Variants in RABEP1 observed in about 807,000 individuals in gnomAD.
The protein encoded by RABEP1 is rabaptin, RAB GTPase binding effector protein 1.
In RABEP1, 51 loss-of-function variants were observed where a neutral mutation model predicts 123.4. That is an observed-to-expected ratio of 0.41 (90% CI 0.33 to 0.52). RABEP1 has a LOEUF of 0.52. Ranked by LOEUF, RABEP1 falls within the 20% of genes least tolerant of loss-of-function variation. RABEP1 has a pLI of 0.16. For synonymous variants in RABEP1, 347 were observed against 355.2 expected (o/e 0.98, Z 0.26); for missense variants, 888 against 996.3 (o/e 0.89, Z 1.46).
intron 5 of RABEP1, among the ~76,000 whole-genome samples, chr17:5,342,977 T>G (rs1400184258): frequency 2.6e-5 from 4 of 152,142 alleles, no homozygotes; most frequent in Non-Finnish European, 1.5e-5. Context: ...ATACCCTTTT[T>G]GGCTGAGTGT....
chr17:5,297,854 TATA>T (rs1269199973), intron 1 of RABEP1, among the ~76,000 whole-genome samples: 2 of 152,200 alleles, frequency 1.3e-5, no homozygotes, highest in African/African-American at 4.8e-5. Context: ...TGGCTTCTCA[TATA>T]ATAGTTGATA....
chr17:5,300,640 C>T (rs2075128108), intron 1 of RABEP1, among the ~76,000 whole-genome samples: 1 of 152,110 alleles, frequency 6.6e-6, no homozygotes, highest in African/African-American at 2.4e-5. Context: ...CAAGTGTTTC[C>T]TACCCTCTAA....
chr17:5,303,755 A>G (rs192716252), intron 1 of RABEP1, among the ~76,000 whole-genome samples: 1 of 152,300 alleles, frequency 6.6e-6, no homozygotes, highest in African/African-American at 2.4e-5. Context: ...TAAAGATGCC[A>G]GGTGTGGTGG....
chr17:5,354,584 G>A (rs904910942), intron 8 of RABEP1, 94 bp downstream of exon 8: 2 of 1,190,660 alleles, frequency 1.7e-6, no homozygotes, highest in African/African-American at 1.6e-5. Flanking sequence ...CATATGAGAA[G>A]TGAGAAGTGC....
In RABEP1 at chr17:5,308,817, AAG is replaced by A; in HGVS notation, c.161_162del (p.Glu54GlyfsTer16). On this transcript the variant is annotated frameshift_variant, in exon 2 of 18. Transcript: ENST00000537505. LOFTEE classifies it high-confidence loss of function. Reference sequence around the variant, plus strand: ...AAATTTAAGGAGTTATATTTGGCTAAAGAGGGTAAGTTCATAAGTCTCGCACC... The same window carrying A: ...AAATTTAAGGAGTTATATTTGGCTAAAGGGTAAGTTCATAAGTCTCGCACC... The A allele has an allele frequency of 6.2e-7, 1 of 1,608,254 alleles. No individual in the cohort carries two copies. The highest frequency in any genetic ancestry group is 8.5e-7 in the Non-Finnish European group (1 of 1,176,532).
At chr17:5,293,512 C>T (rs1200315595) in intron 1 of RABEP1, among the ~76,000 whole-genome samples, 4 of 151,996 alleles carry the variant, frequency 2.6e-5, no homozygotes, top group African/African-American at 9.7e-5. Context: ...CTCAATGTAA[C>T]CTTGACCTCT....
chr17:5,290,540 C>A (rs532378020), intron 1 of RABEP1, among the ~76,000 whole-genome samples: 1 of 152,044 alleles, frequency 6.6e-6, no homozygotes. Context: ...TCATTAACAT[C>A]TTTACAATTA....
At chr17:5,296,597 CG>C (rs2075086098) in intron 1 of RABEP1, among the ~76,000 whole-genome samples, 1 of 151,960 alleles carries the variant, frequency 6.6e-6, no homozygotes, top group Non-Finnish European at 1.5e-5. Flanking sequence ...CTTGGTAAAA[CG>C]GGAAACATTT....
At chr17:5,375,989 C>G (rs1188453719) in intron 13 of RABEP1, among the ~76,000 whole-genome samples, 10 of 152,166 alleles carry the variant, frequency 6.6e-5, no homozygotes. Flanking sequence ...TCTCCTGCCT[C>G]TGCCTCCTGA....
chr17:5,302,244 A>ATTTTTTTTTTTT (rs57770310), intron 1 of RABEP1, among the ~76,000 whole-genome samples: 1,607 of 118,284 alleles, frequency 0.014, 153 homozygotes, highest in African/African-American at 0.043. Flanking sequence ...TACTGAAAAC[A>ATTTTTTTTTTTT]TTTTTTTTTT....
intron 1 of RABEP1, among the ~76,000 whole-genome samples, chr17:5,298,388 T>C (rs564848713): frequency 1.9e-4 from 29 of 152,294 alleles, no homozygotes; most frequent in Non-Finnish European, 3.4e-4. Flanking sequence ...TGCATTAGGC[T>C]TTTTTCTTGT....
intron 1 of RABEP1, among the ~76,000 whole-genome samples, chr17:5,302,112 A>G: frequency 6.6e-6 from 1 of 152,196 alleles, no homozygotes; most frequent in African/African-American, 2.4e-5. Flanking sequence ...GCATTTAGAA[A>G]TCATGATTAG....
At chr17:5,294,633 CTTTTTTTTTTTTTTTTTT>C (rs1185209680) in intron 1 of RABEP1, among the ~76,000 whole-genome samples, 836 of 53,040 alleles carry the variant, frequency 0.016, 18 homozygotes, top group African/African-American at 0.052. Context: ...ACGGTATTGT[CTTTTTTTTTTTTTTTTTT>C]TTTTTTTTTT....
rs186400629 is a variant in RABEP1 at position 5,365,278 on chromosome 17, C to T, written c.1785+40C>T. 6 of 1,296,014 alleles carry T rather than the reference C, an allele frequency of 4.6e-6. No individual in the cohort carries two copies. In the Admixed American group the frequency reaches 1.3e-4, roughly 28 times the overall value. The allele number at this position is 1,296,014 out of a possible 1,614,324, so 80.3% of individuals were successfully genotyped here. ...ATAGACTGTGGCCCATGAGGGATGA[C>T]TGGGTTATTTAAATGAAAGATTCAA... On this transcript the variant is annotated intron_variant, in intron 11 of 17. Transcript: ENST00000537505.
At chr17:5,342,217 TAAAAAAAAA>T (rs571709475) in intron 5 of RABEP1, among the ~76,000 whole-genome samples, 187 of 145,562 alleles carry the variant, frequency 1.3e-3, no homozygotes, top group African/African-American at 4.6e-3. Flanking sequence ...TTCACAAGAG[TAAAAAAAAA>T]GAAAAAAAAG....
Position 5,306,575 on chromosome 17 carries a change from C to T in RABEP1, c.35-2119C>T, listed in dbSNP as rs542703274. ...TCCGGGAGGCGGAGGTTGCAATGAG[C>T]CAAGATTGCACCACTGCACTCCAGC... On this transcript the variant is annotated intron_variant, in intron 1 of 17. Coordinates refer to ENST00000537505, the MANE Select transcript of RABEP1 (RefSeq NM_004703.6). 4.6e-5 allele frequency among the ~76,000 whole-genome samples: 7 copies of T among 151,822 alleles called. No individual in the cohort carries two copies. In the East Asian group the frequency reaches 1.4e-3, roughly 29 times the overall value.
chr17:5,282,768 G>A (rs983291204), intron 1 of RABEP1, among the ~76,000 whole-genome samples: 3 of 151,220 alleles, frequency 2.0e-5, no homozygotes, highest in Non-Finnish European at 3.0e-5. Flanking sequence ...AAGGGCGTGG[G>A]GAGGCTGCTG....
intron 2 of RABEP1, among the ~76,000 whole-genome samples, chr17:5,311,137 G>C (rs1050408415): frequency 6.6e-6 from 1 of 151,964 alleles, no homozygotes; most frequent in Non-Finnish European, 1.5e-5. Flanking sequence ...TACCTAATAG[G>C]GTTCGTTAAA....
chr17:5,338,192 C>A, intron 5 of RABEP1, 54 bp downstream of exon 5: 1 of 1,531,194 alleles, frequency 6.5e-7, no homozygotes, highest in Non-Finnish European at 8.9e-7. Context: ...GCCCCAATGC[C>A]ATGAACAAAA....
Sources: gnomAD v4.1 joint callset for allele counts (sites outside exome capture counted in the v4.1 genomes callset) on GRCh38, gnomAD v4.1.1 for gene constraint, MANE v1.5 for transcripts, NCBI Gene and HGNC (gene_info 2026-07-23, HGNC 2026-07-21) for gene names.